Variants in PDLIM5 observed in about 807,000 individuals in gnomAD.
PDLIM5 encodes the protein PDZ and LIM domain protein 5.
In PDLIM5, 34 loss-of-function variants were observed where a neutral mutation model predicts 64.2. The ratio of observed to expected loss-of-function variants is 0.53; its 90% confidence interval spans 0.40 to 0.71. The LOEUF (loss-of-function observed/expected upper bound fraction) is 0.71. Among genes scored for constraint, PDLIM5 ranks in the 30% least tolerant of loss-of-function variants. The pLI is 0.00. For synonymous variants in PDLIM5, 253 were observed against 269.1 expected (o/e 0.94, Z 0.59); for missense variants, 683 against 733.6 (o/e 0.93, Z 0.80).
chr4:94,587,958 A>G lies in PDLIM5; in HGVS notation c.920+1514A>G, dbSNP rs995779186. 8.1e-6 allele frequency: 8 copies of G among 981,638 alleles called. No individual in the cohort carries two copies. The Admixed American group carries it at 4.9e-4, about 60-fold the overall frequency. 60.8% of individuals were successfully genotyped at this position (981,638 alleles called of 1,614,324 possible). A position where few individuals can be genotyped will look rare whatever the true frequency, so the allele number is the denominator to read the frequency against. ...TACTTAGTGACGTAAACTACTGTGC[A>G]CTGCTGCTATTCCTAGGAAGCTGTG... On this transcript the variant is annotated intron_variant, in intron 7 of 12. Coordinates refer to ENST00000317968, the MANE Select transcript of PDLIM5 (RefSeq NM_006457.5).
intron 10 of PDLIM5, among the ~76,000 whole-genome samples, chr4:94,655,636 C>A (rs1332201554): frequency 6.6e-6 from 1 of 152,134 alleles, no homozygotes; most frequent in Non-Finnish European, 1.5e-5. Context: ...ATGGTTCAGA[C>A]TGTACCTTCC....
intron 2 of PDLIM5, among the ~76,000 whole-genome samples, chr4:94,488,065 T>A (rs1726512374): frequency 6.6e-6 from 1 of 152,214 alleles, no homozygotes; most frequent in South Asian, 2.1e-4. Context: ...TTTGTGTTAA[T>A]ATTATGGTGC....
chr4:94,531,583 G>A (rs993908322), intron 3 of PDLIM5, among the ~76,000 whole-genome samples: 1 of 152,148 alleles, frequency 6.6e-6, no homozygotes, highest in Non-Finnish European at 1.5e-5. Flanking sequence ...GTGTTGGGCT[G>A]CATTCAAAGC....
intron 6 of PDLIM5, 99 bp downstream of exon 6, chr4:94,585,836 A>G (rs943958914): frequency 1.1e-6 from 1 of 897,636 alleles, no homozygotes; most frequent in Non-Finnish European, 1.8e-6. Context: ...ACCCCGAGAC[A>G]GTTTGCTTTT....
intron 3 of PDLIM5, among the ~76,000 whole-genome samples, chr4:94,568,858 CAAGTT>C (rs1578393507): frequency 6.6e-6 from 1 of 152,108 alleles, no homozygotes; most frequent in East Asian, 1.9e-4. Flanking sequence ...AAGGAGATAA[CAAGTT>C]AAGTGTTATA....
intron 8 of PDLIM5, among the ~76,000 whole-genome samples, chr4:94,631,336 C>A (rs146972327): frequency 1.4e-4 from 21 of 152,212 alleles, no homozygotes; most frequent in African/African-American, 4.8e-4. Context: ...AAACTTTGGG[C>A]AGTCAGGTTT....
At chr4:94,483,818 C>G (rs1455639339) in intron 2 of PDLIM5, among the ~76,000 whole-genome samples, 2 of 152,164 alleles carry the variant, frequency 1.3e-5, no homozygotes, top group African/African-American at 4.8e-5. Flanking sequence ...TCATTCTAAT[C>G]TTCACATTTA....
chr4:94,581,872 G>A (rs557859151), intron 5 of PDLIM5, among the ~76,000 whole-genome samples: 19 of 152,114 alleles, frequency 1.2e-4, no homozygotes, highest in Admixed American at 3.3e-4. Context: ...TCCACTTCAG[G>A]TGTCACTAAC....
intron 12 of PDLIM5, 67 bp downstream of exon 12, chr4:94,662,604 G>T: frequency 1.5e-6 from 1 of 656,438 alleles, no homozygotes; most frequent in Non-Finnish European, 2.8e-6. Context: ...AGTATTTAAT[G>T]GAAATATCAG....
rs1008920612 is a variant in PDLIM5 at position 94,666,158 on chromosome 4, A to G, written c.*2091A>G. On this transcript the variant is annotated 3_prime_UTR_variant, in exon 13 of 13. Transcript: ENST00000317968. ...TTACGACATCACTTCCATTGTGTGC[A>G]TGTTTGTTATAGAGGAGGTTTTAGG... 14 of 683,864 alleles carry G rather than the reference A, an allele frequency of 2.0e-5. No homozygotes were observed. Among genetic ancestry groups the G allele is most frequent in the Middle Eastern group, 2.4e-4 (1 of 4,098 alleles). 42.4% of individuals were successfully genotyped at this position (683,864 alleles called of 1,614,324 possible).
chr4:94,616,080 G>A (rs115804528), intron 7 of PDLIM5, among the ~76,000 whole-genome samples: 495 of 152,086 alleles, frequency 3.3e-3, no homozygotes, highest in African/African-American at 0.011. Flanking sequence ...TGATGGATTG[G>A]GTTTTGTTAT....
rs371454240 is a variant in PDLIM5 at position 94,570,680 on chromosome 4, T to C, written c.249-2671T>C. Among the ~76,000 whole-genome samples, 9 of 152,320 alleles carry C rather than the reference T, an allele frequency of 5.9e-5. No homozygotes were observed. The East Asian group carries it at 1.7e-3, about 29-fold the overall frequency. ...GACATCCTTCTGCACTCTTGAGTGCTCACTTTTTTCCTTCTAGAGTTGCTT... is the reference window on the plus strand; with the variant it reads ...GACATCCTTCTGCACTCTTGAGTGCCCACTTTTTTCCTTCTAGAGTTGCTT... On this transcript the variant is annotated intron_variant, in intron 3 of 12. Coordinates refer to ENST00000317968, the MANE Select transcript of PDLIM5 (RefSeq NM_006457.5).
At chr4:94,539,800 G>T (rs1211732200) in intron 3 of PDLIM5, among the ~76,000 whole-genome samples, 1 of 152,106 alleles carries the variant, frequency 6.6e-6, no homozygotes, top group Non-Finnish European at 1.5e-5. Context: ...AAGCAAAGGT[G>T]CACTCAGTTC....
intron 3 of PDLIM5, among the ~76,000 whole-genome samples, chr4:94,539,922 C>G (rs1308832322): frequency 6.6e-6 from 1 of 151,972 alleles, no homozygotes; most frequent in East Asian, 1.9e-4. Flanking sequence ...AATGTCTTGG[C>G]TGCCGTGAGT....
chr4:94,556,468 G>A (rs1332903671), intron 3 of PDLIM5, among the ~76,000 whole-genome samples: 4 of 152,264 alleles, frequency 2.6e-5, no homozygotes, highest in African/African-American at 9.6e-5. Context: ...CTAGATCCTT[G>A]AGGAATTGCC....
chr4:94,520,527 A>G (rs534635872), intron 2 of PDLIM5, among the ~76,000 whole-genome samples: 54 of 152,364 alleles, frequency 3.5e-4, no homozygotes, highest in African/African-American at 1.3e-3. Flanking sequence ...GCTTAGATTC[A>G]TAATGCTACA....
intron 3 of PDLIM5, among the ~76,000 whole-genome samples, chr4:94,542,377 A>G (rs1279733064): frequency 6.6e-6 from 1 of 151,998 alleles, no homozygotes; most frequent in African/African-American, 2.4e-5. Context: ...CTCCAACACA[A>G]GATGGAAGTC....
intron 3 of PDLIM5, among the ~76,000 whole-genome samples, chr4:94,559,548 A>G (rs1484667383): frequency 6.6e-6 from 1 of 152,248 alleles, no homozygotes; most frequent in Non-Finnish European, 1.5e-5. Context: ...AAAACAGAAG[A>G]TCAGTAAGAT....
intron 9 of PDLIM5, among the ~76,000 whole-genome samples, chr4:94,649,028 T>C (rs1578541212): frequency 6.6e-6 from 1 of 151,924 alleles, no homozygotes; most frequent in South Asian, 2.1e-4. Flanking sequence ...GACGCTGGAG[T>C]GCAGTGGCGC....
Sources: allele counts gnomAD v4.1 joint callset (sites outside exome capture counted in the v4.1 genomes callset), GRCh38; gene constraint gnomAD v4.1.1; transcripts MANE v1.5; gene names NCBI Gene and HGNC (gene_info 2026-07-23, HGNC 2026-07-21).